RORA: variants seen among roughly 807,000 people sequenced by gnomAD.
RORA encodes the protein nuclear receptor ROR-alpha.
Under a neutral mutation model 69.5 loss-of-function variants are expected in RORA, and 7 were observed. The ratio of observed to expected loss-of-function variants is 0.10; its 90% CI spans 0.06 to 0.19. RORA has a LOEUF of 0.19. Ranked by LOEUF, RORA falls within the 10% of genes least tolerant of loss-of-function variation. The pLI is 1.00. For synonymous variants in RORA, 261 were observed against 240.8 expected (o/e 1.08, Z -0.78); for missense variants, 457 against 663.0 (o/e 0.69, Z 3.41).
At position 61,115,264 on chromosome 15, in the gene RORA, G is replaced by A. The variant is rs959076353; in HGVS notation, c.166+113789C>T. Among the ~76,000 whole-genome samples the A allele has an allele frequency of 3.5e-5, 5 of 140,872 alleles. 1 individual carries two copies. Among genetic ancestry groups the A allele is most frequent in the South Asian group, 5.1e-4 (2 of 3,926 alleles). The allele number at this position is 140,872 out of a possible 152,430, so 92.4% of individuals were successfully genotyped here. A position where few individuals can be genotyped will look rare whatever the true frequency, so the allele number is the denominator to read the frequency against. On this transcript the variant is annotated intron_variant, in intron 1 of 10. Coordinates refer to ENST00000335670, the MANE Select transcript of RORA (RefSeq NM_134261.3). The stretch of plus-strand genomic sequence containing the variant: ...GGGAGGTGCTTCACCATGAAGGCTT[G>A]GTAATGGATATTCCAAAAAAAAAAA...
chr15:60,979,268 C>CTTTTTTT lies in RORA; in HGVS notation c.166+249778_166+249784dup, dbSNP rs767729204. ...CGTGAGCCACCGCACCTAGCCCTTGCTTTTTTTTTTTTTTTTTTTTTTTCC... is the reference window on the plus strand; with the variant it reads ...CGTGAGCCACCGCACCTAGCCCTTGCTTTTTTTTTTTTTTTTTTTTTTTTTTTTTTCC... On this transcript the variant is annotated intron_variant, in intron 1 of 10. Coordinates refer to ENST00000335670, the MANE Select transcript of RORA (RefSeq NM_134261.3). Among the ~76,000 whole-genome samples, 56 of 64,170 alleles carry CTTTTTTT rather than the reference C, an allele frequency of 8.7e-4. 2 individuals carry two copies. Among genetic ancestry groups the CTTTTTTT allele is most frequent in the Admixed American group, 1.1e-3 (6 of 5,348 alleles). 42.1% of individuals were successfully genotyped at this position (64,170 alleles called of 152,430 possible).
At chr15:60,834,661 G>A (rs1411815413) in intron 1 of RORA, among the ~76,000 whole-genome samples, 2 of 152,184 alleles carry the variant, frequency 1.3e-5, no homozygotes, top group Admixed American at 1.3e-4. Flanking sequence ...CAAAGCCCAT[G>A]GGGGAAGAAT....
chr15:61,105,307 G>A (rs1006771305), intron 1 of RORA, among the ~76,000 whole-genome samples: 2 of 152,166 alleles, frequency 1.3e-5, no homozygotes, highest in Non-Finnish European at 2.9e-5. Context: ...TTTCATGAGA[G>A]CAGGAAGAAT....
At chr15:61,099,460 TC>T (rs1199538394) in intron 1 of RORA, among the ~76,000 whole-genome samples, 1 of 152,174 alleles carries the variant, frequency 6.6e-6, no homozygotes, top group Non-Finnish European at 1.5e-5. Context: ...TATTTAATTT[TC>T]TAGATAAATC....
intron 1 of RORA, among the ~76,000 whole-genome samples, chr15:61,160,507 C>A (rs1455613436): frequency 6.6e-6 from 1 of 152,096 alleles, no homozygotes; most frequent in South Asian, 2.1e-4. Context: ...ATATAAAAAT[C>A]TCTCGAAAAA....
intron 1 of RORA, among the ~76,000 whole-genome samples, chr15:61,153,110 G>C (rs1475247103): frequency 6.6e-6 from 1 of 152,142 alleles, no homozygotes; most frequent in Non-Finnish European, 1.5e-5. Flanking sequence ...AGTACACAGA[G>C]GGTTGGACAT....
intron 2 of RORA, among the ~76,000 whole-genome samples, chr15:60,548,430 G>A (rs1012516321): frequency 6.6e-6 from 1 of 151,888 alleles, no homozygotes. Context: ...TTCCAAAAGA[G>A]ACTCTTAAGG....
chr15:60,568,045 G>A (rs182115469), intron 2 of RORA, among the ~76,000 whole-genome samples: 9 of 152,202 alleles, frequency 5.9e-5, no homozygotes, highest in East Asian at 5.8e-4. Flanking sequence ...TAGCACTCTC[G>A]AATTGTATTA....
At chr15:60,740,397 C>T (rs1056820306) in intron 1 of RORA, among the ~76,000 whole-genome samples, 16 of 152,212 alleles carry the variant, frequency 1.1e-4, no homozygotes, top group South Asian at 6.2e-4. Flanking sequence ...CCAGCTCATT[C>T]GCAGACACAG....
intron 1 of RORA, among the ~76,000 whole-genome samples, chr15:61,030,483 G>C (rs940776395): frequency 6.6e-6 from 1 of 152,214 alleles, no homozygotes; most frequent in Non-Finnish European, 1.5e-5. Context: ...CAGTGGGCAT[G>C]ACCCATGTGA....
At chr15:60,849,709 A>G (rs1334881381) in intron 1 of RORA, among the ~76,000 whole-genome samples, 1 of 152,208 alleles carries the variant, frequency 6.6e-6, no homozygotes, top group Non-Finnish European at 1.5e-5. Context: ...AAATATTCCT[A>G]CAGTGATTGA....
intron 2 of RORA, among the ~76,000 whole-genome samples, chr15:60,561,681 A>G (rs989960572): frequency 2.0e-5 from 3 of 152,146 alleles, no homozygotes; most frequent in Admixed American, 1.3e-4. Flanking sequence ...TATAGAAGGA[A>G]AGTACATCTC....
At chr15:60,900,649 G>A (rs8036025) in intron 1 of RORA, among the ~76,000 whole-genome samples, 79 of 152,224 alleles carry the variant, frequency 5.2e-4, no homozygotes, top group African/African-American at 1.7e-3. Context: ...CGAGGCGGGT[G>A]CATCATGAGG....
intron 1 of RORA, among the ~76,000 whole-genome samples, chr15:60,776,320 A>T (rs2072166386): frequency 6.6e-6 from 1 of 152,090 alleles, no homozygotes; most frequent in African/African-American, 2.4e-5. Flanking sequence ...TTCATCTTGG[A>T]CTAGTTTGTC....
At chr15:60,864,610 C>T (rs10851686) in intron 1 of RORA, among the ~76,000 whole-genome samples, 137,839 of 152,178 alleles carry the variant, frequency 0.91, 63,344 homozygotes, top group East Asian at 1. Flanking sequence ...TGAAGAGAAA[C>T]GGAAATGAGT....
At chr15:61,051,605 G>C (rs2140503649) in intron 1 of RORA, among the ~76,000 whole-genome samples, 1 of 152,314 alleles carries the variant, frequency 6.6e-6, no homozygotes, top group East Asian at 1.9e-4. Context: ...GCAGTTTTAA[G>C]TGTGGCTCCA....
intron 1 of RORA, among the ~76,000 whole-genome samples, chr15:60,930,727 G>C (rs1200086667): frequency 6.6e-6 from 1 of 152,134 alleles, no homozygotes; most frequent in East Asian, 1.9e-4. Flanking sequence ...TGTTGAGATG[G>C]GACCCACCTC....
At chr15:61,013,271 T>C (rs72625741) in intron 1 of RORA, among the ~76,000 whole-genome samples, 16,342 of 152,296 alleles carry the variant, frequency 0.11, 1,320 homozygotes, top group East Asian at 0.28. Context: ...TAGAGTTTTA[T>C]TGGATCACAG....
rs1273125520 is a variant in RORA at position 60,488,977 on chromosome 15, AC to A, written c.*8477del. 15 of 152,316 alleles carry A rather than the reference AC, an allele frequency of 9.8e-5. No homozygotes were observed. Among genetic ancestry groups the A allele is most frequent in the South Asian group, 2.1e-4 (1 of 4,830 alleles). 9.4% of individuals were successfully genotyped at this position (152,316 alleles called of 1,614,324 possible). ...AATTTAACAAAACAACCCAGGAAAA[AC>A]GTTTTAATTGGGGCACACTTGTTAT... On this transcript the variant is annotated 3_prime_UTR_variant, in exon 11 of 11. Coordinates refer to ENST00000335670, the MANE Select transcript of RORA (RefSeq NM_134261.3).
Sources: gnomAD v4.1 joint callset for allele counts (sites outside exome capture counted in the v4.1 genomes callset) on GRCh38, gnomAD v4.1.1 for gene constraint, MANE v1.5 for transcripts, NCBI Gene and HGNC (gene_info 2026-07-23, HGNC 2026-07-21) for gene names.